BAALC: variants seen among roughly 807,000 people sequenced by gnomAD.
BAALC encodes brain and acute leukemia cytoplasmic protein.
In BAALC, 9 loss-of-function variants were observed where a neutral mutation model predicts 15.5. That is an observed-to-expected ratio of 0.58 (90% CI 0.35 to 1.02). BAALC has a LOEUF of 1.02. Ranked by LOEUF, BAALC falls within the 50% of genes least tolerant of loss-of-function variation. The pLI, the probability that BAALC is intolerant of heterozygous loss-of-function variation, is 0.02. For missense variants in BAALC, 201 were observed against 192.4 expected (o/e 1.04, Z -0.27); for synonymous variants, 80 against 74.6 (o/e 1.07, Z -0.37).
chr8:103,159,701 G>A (rs1042621373), intron 1 of BAALC, among the ~76,000 whole-genome samples: 1 of 152,098 alleles, frequency 6.6e-6, no homozygotes, highest in Non-Finnish European at 1.5e-5. Context: ...AGTAGTCTTT[G>A]ATAGTCCTGG....
intron 2 of BAALC, among the ~76,000 whole-genome samples, chr8:103,216,022 C>G (rs1362039375): frequency 6.6e-6 from 1 of 152,212 alleles, no homozygotes; most frequent in African/African-American, 2.4e-5. Context: ...TAGAATCATA[C>G]AAGTGTGAGC....
chr8:103,152,060 T>C, intron 1 of BAALC, among the ~76,000 whole-genome samples: 1 of 152,090 alleles, frequency 6.6e-6, no homozygotes, highest in Admixed American at 6.5e-5. Flanking sequence ...ATTCATACCC[T>C]TGACAATTCA....
chr8:103,219,254 T>C (rs1812627780), intron 2 of BAALC, among the ~76,000 whole-genome samples: 1 of 152,210 alleles, frequency 6.6e-6, no homozygotes, highest in Admixed American at 6.5e-5. Flanking sequence ...CACTGCCTTA[T>C]TTTTCTTTAT....
At chr8:103,226,807 C>T (rs1812816124) in intron 2 of BAALC, among the ~76,000 whole-genome samples, 2 of 152,062 alleles carry the variant, frequency 1.3e-5, no homozygotes, top group Admixed American at 1.3e-4. Flanking sequence ...TACTAAGTAC[C>T]TTACATGCAT....
intron 1 of BAALC, among the ~76,000 whole-genome samples, chr8:103,159,254 C>T (rs966387771): frequency 1.3e-5 from 2 of 152,154 alleles, no homozygotes. Context: ...CTTAGGCCAC[C>T]TGATCTATCC....
intron 1 of BAALC, among the ~76,000 whole-genome samples, chr8:103,208,846 G>C (rs1449962914): frequency 2.0e-5 from 3 of 152,076 alleles, no homozygotes; most frequent in African/African-American, 7.2e-5. Context: ...GATTGCATTG[G>C]GAGAAGGGAG....
chr8:103,219,509 G>A (rs901045101), intron 2 of BAALC: 7 of 152,194 alleles, frequency 4.6e-5, no homozygotes, highest in Admixed American at 2.0e-4. Flanking sequence ...TGAAGTTCAA[G>A]TTGAAAAGCA....
chr8:103,172,186 T>A (rs891994525), intron 1 of BAALC: 1 of 73,844 alleles, frequency 1.4e-5, no homozygotes, highest in Non-Finnish European at 2.7e-5. Context: ...CTTGGGTCCT[T>A]TTTTTTTTAC....
chr8:103,152,385 C>G (rs934605356), intron 1 of BAALC, among the ~76,000 whole-genome samples: 1 of 152,166 alleles, frequency 6.6e-6, no homozygotes, highest in Non-Finnish European at 1.5e-5. Context: ...CACACCCGCC[C>G]CCTCTGTGTG....
chr8:103,182,623 A>T (rs6990135), intron 1 of BAALC, among the ~76,000 whole-genome samples: 5,086 of 152,124 alleles, frequency 0.033, 111 homozygotes, highest in African/African-American at 0.059. Context: ...GATAGTAGAG[A>T]CCCTATGTTA....
intron 1 of BAALC, among the ~76,000 whole-genome samples, chr8:103,199,866 G>C (rs1812176375): frequency 6.6e-6 from 1 of 151,988 alleles, no homozygotes; most frequent in Admixed American, 6.6e-5. Flanking sequence ...GTGTCCATGT[G>C]TTCTCATCAT....
At chr8:103,226,836 T>C (rs1450398436) in intron 2 of BAALC, among the ~76,000 whole-genome samples, 1 of 152,172 alleles carries the variant, frequency 6.6e-6, no homozygotes, top group Non-Finnish European at 1.5e-5. Flanking sequence ...TTAATCCATA[T>C]AAAAACCTTA....
intron 1 of BAALC, among the ~76,000 whole-genome samples, chr8:103,152,292 C>T (rs546201920): frequency 1.3e-4 from 20 of 152,206 alleles, no homozygotes; most frequent in African/African-American, 4.6e-4. Flanking sequence ...GTTCCGGCCA[C>T]GCTTGATTCC....
intron 1 of BAALC, among the ~76,000 whole-genome samples, chr8:103,201,217 C>T (rs1812207787): frequency 6.6e-6 from 1 of 152,072 alleles, no homozygotes; most frequent in Admixed American, 6.5e-5. Flanking sequence ...AGAAAGGAGG[C>T]CATGATGGGC....
intron 1 of BAALC, among the ~76,000 whole-genome samples, chr8:103,147,977 A>G (rs779425052): frequency 3.9e-5 from 6 of 152,100 alleles, no homozygotes; most frequent in Non-Finnish European, 8.8e-5. Flanking sequence ...GCCCAACCAC[A>G]GCCATCTCTC....
chr8:103,162,620 G>A (rs145093224), intron 1 of BAALC, among the ~76,000 whole-genome samples: 276 of 152,132 alleles, frequency 1.8e-3, no homozygotes, highest in African/African-American at 4.6e-3. Context: ...TCCTAGTCTC[G>A]GAAATTATAC....
At chr8:103,182,646 G>T (rs555113630) in intron 1 of BAALC, among the ~76,000 whole-genome samples, 1 of 152,276 alleles carries the variant, frequency 6.6e-6, no homozygotes, top group Non-Finnish European at 1.5e-5. Context: ...GATTATTATT[G>T]TGTTGTCCAC....
chr8:103,227,292 TGG>T lies in BAALC; in HGVS notation c.328-696_328-695del, dbSNP rs1287615718. On this transcript the variant is annotated intron_variant, in intron 2 of 2. Transcript: ENST00000309982. ...AAATCTCAGGACCCCAAACTCACTA[TGG>T]AAAGGGAAAGTTAAGCTTAGGAGCT... 4.6e-5 allele frequency among the ~76,000 whole-genome samples: 7 copies of T among 152,338 alleles called. No individual in the cohort carries two copies. In the East Asian group the frequency reaches 1.4e-3, roughly 29 times the overall value.
At chr8:103,214,324 T>A (rs1812512532) in intron 2 of BAALC, among the ~76,000 whole-genome samples, 1 of 152,232 alleles carries the variant, frequency 6.6e-6, no homozygotes, top group Admixed American at 6.5e-5. Context: ...GATCTATATG[T>A]CAGATATGTA....
Sources: allele counts gnomAD v4.1 joint callset (sites outside exome capture counted in the v4.1 genomes callset), GRCh38; gene constraint gnomAD v4.1.1; transcripts MANE v1.5; gene names NCBI Gene and HGNC (gene_info 2026-07-23, HGNC 2026-07-21).